The following ST6GALNAC3 variants were observed in gnomAD, a reference collection of about 807,000 sequenced individuals.
ST6GALNAC3 encodes the protein ST6 N-acetylgalactosaminide alpha-2,6-sialyltransferase 3.
In ST6GALNAC3, 25 loss-of-function variants were observed where a neutral mutation model predicts 32.7. That is an observed-to-expected ratio of 0.76 (90% CI 0.56 to 1.07). ST6GALNAC3 has a LOEUF of 1.07. Among genes scored for constraint, ST6GALNAC3 ranks in the 50% least tolerant of loss-of-function variants. The pLI is 0.00. For synonymous variants in ST6GALNAC3, 129 were observed against 133.1 expected (o/e 0.97, Z 0.21); for missense variants, 355 against 382.4 (o/e 0.93, Z 0.60).
intron 2 of ST6GALNAC3, among the ~76,000 whole-genome samples, chr1:76,351,161 C>A (rs966187171): frequency 2.6e-5 from 4 of 152,058 alleles, no homozygotes; most frequent in African/African-American, 9.7e-5. Context: ...TGTGTATTAG[C>A]TTTGTCAAGT....
chr1:76,096,458 T>C (rs962986656), intron 1 of ST6GALNAC3, among the ~76,000 whole-genome samples: 4 of 152,292 alleles, frequency 2.6e-5, no homozygotes, highest in African/African-American at 9.6e-5. Context: ...AAAACTTGCT[T>C]GTTGGACAAT....
chr1:76,248,050 T>C (rs1657406342), intron 1 of ST6GALNAC3, among the ~76,000 whole-genome samples: 1 of 152,050 alleles, frequency 6.6e-6, no homozygotes, highest in South Asian at 2.1e-4. Flanking sequence ...TGGCTTCTCT[T>C]GGCTGGGCGA....
chr1:76,237,856 A>C (rs1037069328), intron 1 of ST6GALNAC3, among the ~76,000 whole-genome samples: 2 of 152,240 alleles, frequency 1.3e-5, no homozygotes, highest in Admixed American at 1.3e-4. Context: ...ATAGTCTAGC[A>C]GAGGAAGATA....
intron 3 of ST6GALNAC3, among the ~76,000 whole-genome samples, chr1:76,610,061 CA>C (rs1280634743): frequency 6.6e-6 from 1 of 152,054 alleles, no homozygotes; most frequent in African/African-American, 2.4e-5. Context: ...ATTTTAGTAT[CA>C]GTGTGATTCT....
intron 1 of ST6GALNAC3, among the ~76,000 whole-genome samples, chr1:76,253,382 G>T (rs2100703725): frequency 6.6e-6 from 1 of 152,222 alleles, no homozygotes; most frequent in South Asian, 2.1e-4. Context: ...TCTTTGGTTT[G>T]CATGAAGATG....
At chr1:76,326,194 C>T (rs1220858905) in intron 2 of ST6GALNAC3, among the ~76,000 whole-genome samples, 2 of 152,088 alleles carry the variant, frequency 1.3e-5, no homozygotes, top group East Asian at 3.9e-4. Flanking sequence ...ACCATTGAGC[C>T]ACCTGGGGCA....
chr1:76,417,548 T>C (rs1248829460), intron 3 of ST6GALNAC3, among the ~76,000 whole-genome samples: 1 of 152,160 alleles, frequency 6.6e-6, no homozygotes, highest in Non-Finnish European at 1.5e-5. Context: ...AATGTGATCA[T>C]GTTCCTGGCA....
At chr1:76,295,541 G>C (rs1183741700) in intron 1 of ST6GALNAC3, among the ~76,000 whole-genome samples, 1 of 152,072 alleles carries the variant, frequency 6.6e-6, no homozygotes, top group East Asian at 1.9e-4. Flanking sequence ...CTCACTATGT[G>C]CTAGAGGCAT....
At chr1:76,246,750 A>G (rs895528110) in intron 1 of ST6GALNAC3, among the ~76,000 whole-genome samples, 4 of 152,188 alleles carry the variant, frequency 2.6e-5, no homozygotes, top group Admixed American at 2.0e-4. Flanking sequence ...GGGTTCGAAC[A>G]TGCTCTTTTA....
intron 1 of ST6GALNAC3, among the ~76,000 whole-genome samples, chr1:76,260,600 A>G (rs574507882): frequency 2.6e-5 from 4 of 152,224 alleles, no homozygotes; most frequent in Non-Finnish European, 5.9e-5. Context: ...TAAGTCGTGG[A>G]GATGAGATAT....
intron 1 of ST6GALNAC3, among the ~76,000 whole-genome samples, chr1:76,242,960 G>A (rs1657053402): frequency 6.6e-6 from 1 of 152,152 alleles, no homozygotes; most frequent in South Asian, 2.1e-4. Flanking sequence ...AAATCTTTTG[G>A]TATATACCCA....
intron 1 of ST6GALNAC3, among the ~76,000 whole-genome samples, chr1:76,140,862 T>G (rs1650279145): frequency 6.8e-6 from 1 of 148,108 alleles, no homozygotes; most frequent in African/African-American, 2.5e-5. Flanking sequence ...GATCTCAAAC[T>G]CCTGGCTTAA....
chr1:76,581,475 T>A (rs1182699650), intron 3 of ST6GALNAC3, among the ~76,000 whole-genome samples: 1 of 152,166 alleles, frequency 6.6e-6, no homozygotes, highest in Non-Finnish European at 1.5e-5. Flanking sequence ...TTCACATATA[T>A]ACACAGCTGG....
chr1:76,379,176 G>A (rs547991948), intron 2 of ST6GALNAC3, among the ~76,000 whole-genome samples: 1 of 152,302 alleles, frequency 6.6e-6, no homozygotes, highest in East Asian at 1.9e-4. Flanking sequence ...GATTACAGGC[G>A]TGAGCCACCG....
chr1:76,486,532 G>T (rs1660126867), intron 3 of ST6GALNAC3, among the ~76,000 whole-genome samples: 1 of 152,134 alleles, frequency 6.6e-6, no homozygotes, highest in Non-Finnish European at 1.5e-5. Flanking sequence ...TTTTATCAGA[G>T]ACTAAGATTG....
chr1:76,191,539 C>A (rs1269420726), intron 1 of ST6GALNAC3, among the ~76,000 whole-genome samples: 1 of 152,030 alleles, frequency 6.6e-6, no homozygotes, highest in Non-Finnish European at 1.5e-5. Flanking sequence ...AATGTCCTCA[C>A]CATGTATAAA....
intron 3 of ST6GALNAC3, among the ~76,000 whole-genome samples, chr1:76,449,752 T>G (rs1434176436): frequency 6.6e-6 from 1 of 152,252 alleles, no homozygotes; most frequent in East Asian, 1.9e-4. Flanking sequence ...TAATAGTTCT[T>G]TATATATTTT....
chr1:76,581,278 A>G (rs951541174), intron 3 of ST6GALNAC3, among the ~76,000 whole-genome samples: 12 of 152,074 alleles, frequency 7.9e-5, no homozygotes, highest in African/African-American at 2.9e-4. Flanking sequence ...AGGAATGTTG[A>G]TTTTCTAGAT....
At chr1:76,192,552 A>G (rs1653959986) in intron 1 of ST6GALNAC3, among the ~76,000 whole-genome samples, 1 of 152,192 alleles carries the variant, frequency 6.6e-6, no homozygotes, top group South Asian at 2.1e-4. Flanking sequence ...CTCTGCCTAC[A>G]GGAAGGCTCA....
Sources: allele counts gnomAD v4.1 joint callset (sites outside exome capture counted in the v4.1 genomes callset), GRCh38; gene constraint gnomAD v4.1.1; transcripts MANE v1.5; gene names NCBI Gene and HGNC (gene_info 2026-07-23, HGNC 2026-07-21).